Variants in ST8SIA4 observed in about 807,000 individuals in gnomAD.
ST8SIA4 encodes the protein ST8 alpha-N-acetyl-neuraminide alpha-2,8-sialyltransferase 4.
Under a neutral mutation model 33.9 loss-of-function variants are expected in ST8SIA4, and 15 were observed. The observed-to-expected ratio is 0.44, with a 90% CI of 0.30 to 0.68. The LOEUF is 0.68. Ranked by LOEUF, ST8SIA4 falls within the 30% of genes least tolerant of loss-of-function variation. The probability of loss-of-function intolerance (pLI) is 0.10; values close to 1 mark genes in which losing one functional copy is unlikely to be tolerated. For synonymous variants in ST8SIA4, 171 were observed against 151.2 expected, an observed-to-expected ratio of 1.13 and a Z score of -0.96; for missense variants, 321 against 428.0, an observed-to-expected ratio of 0.75 and a Z score of 2.21.
chr5:100,824,520 G>A (rs1413183765), intron 4 of ST8SIA4, among the ~76,000 whole-genome samples: 1 of 151,930 alleles, frequency 6.6e-6, no homozygotes, highest in Non-Finnish European at 1.5e-5. Flanking sequence ...GGGATATCCA[G>A]AGGATCCTAC....
intron 3 of ST8SIA4, among the ~76,000 whole-genome samples, chr5:100,869,092 T>C (rs1752141344): frequency 6.6e-6 from 1 of 152,142 alleles, no homozygotes; most frequent in African/African-American, 2.4e-5. Context: ...TAGAGTGTGA[T>C]CACCTCAAAA....
At chr5:100,816,030 G>A (rs1408647495) in intron 4 of ST8SIA4, among the ~76,000 whole-genome samples, 5 of 152,134 alleles carry the variant, frequency 3.3e-5, no homozygotes, top group African/African-American at 1.2e-4. Flanking sequence ...TGGTAACGTC[G>A]TTTAACCTCA....
intron 2 of ST8SIA4, among the ~76,000 whole-genome samples, chr5:100,889,925 A>C (rs1752623991): frequency 6.6e-6 from 1 of 151,930 alleles, no homozygotes; most frequent in South Asian, 2.1e-4. Context: ...AAAATATAAA[A>C]ACACAAAAAA....
intron 3 of ST8SIA4, among the ~76,000 whole-genome samples, chr5:100,862,180 T>A (rs1328863250): frequency 6.6e-6 from 1 of 152,140 alleles, no homozygotes; most frequent in Non-Finnish European, 1.5e-5. Context: ...ATATTTTAAA[T>A]ATTAGATGAA....
chr5:100,863,274 A>G (rs1035182387), intron 3 of ST8SIA4, among the ~76,000 whole-genome samples: 2 of 152,206 alleles, frequency 1.3e-5, no homozygotes, highest in South Asian at 2.1e-4. Flanking sequence ...GAAGTGTGGG[A>G]AAAAGTTAGG....
At chr5:100,873,402 C>T (rs1752239544) in intron 3 of ST8SIA4, among the ~76,000 whole-genome samples, 1 of 151,480 alleles carries the variant, frequency 6.6e-6, no homozygotes, top group Non-Finnish European at 1.5e-5. Context: ...ACTAATTAGC[C>T]AAAAGTGACA....
chr5:100,868,921 T>A (rs1422464529), intron 3 of ST8SIA4, among the ~76,000 whole-genome samples: 2 of 152,164 alleles, frequency 1.3e-5, no homozygotes, highest in Admixed American at 1.3e-4. Flanking sequence ...CATATTTTGT[T>A]ACTTGTATAG....
At chr5:100,893,086 T>C (rs570645609) in intron 2 of ST8SIA4, among the ~76,000 whole-genome samples, 61 of 152,074 alleles carry the variant, frequency 4.0e-4, no homozygotes, top group Non-Finnish European at 7.9e-4. Context: ...ACCCAATCAC[T>C]GACCCAAAGT....
rs544391806 is a variant in ST8SIA4 at position 100,839,353 on chromosome 5, C to T, written c.797+16750G>A. ...TTTGCCAGAAAAGATCTTGATTTTG[C>T]TCTGCAGATGTCAGCTGAAAGCCTG... On this transcript the variant is annotated intron_variant, in intron 4 of 4. Coordinates refer to ENST00000231461, the MANE Select transcript of ST8SIA4 (RefSeq NM_005668.6). Among the ~76,000 whole-genome samples, 20 of 152,016 alleles carry T rather than the reference C, an allele frequency of 1.3e-4. No individual in the cohort carries two copies. In the South Asian group the frequency reaches 3.3e-3, roughly 25 times the overall value.
chr5:100,902,306 T>C (rs528815022), intron 1 of ST8SIA4, among the ~76,000 whole-genome samples: 1 of 152,012 alleles, frequency 6.6e-6, no homozygotes, highest in African/African-American at 2.4e-5. Flanking sequence ...TAAGGAAGTA[T>C]CCTTAGTGGT....
intron 4 of ST8SIA4, among the ~76,000 whole-genome samples, chr5:100,819,321 TA>T (rs1475974487): frequency 5.9e-5 from 9 of 152,318 alleles, no homozygotes; most frequent in Non-Finnish European, 8.8e-5. Context: ...AAGTGGTTCC[TA>T]AAAGCATTCC....
chr5:100,826,217 C>T (rs1188985370), intron 4 of ST8SIA4, among the ~76,000 whole-genome samples: 2 of 152,016 alleles, frequency 1.3e-5, no homozygotes, highest in African/African-American at 4.8e-5. Context: ...TATTTCTTGC[C>T]ACACACCCTG....
intron 4 of ST8SIA4, among the ~76,000 whole-genome samples, chr5:100,821,647 A>C (rs937111504): frequency 1.0e-5 from 1 of 98,574 alleles, no homozygotes; most frequent in Non-Finnish European, 2.4e-5. Context: ...ATTCCATTGA[A>C]TAATGTAACA....
At chr5:100,815,689 A>C (rs1389678184) in intron 4 of ST8SIA4, among the ~76,000 whole-genome samples, 2 of 152,082 alleles carry the variant, frequency 1.3e-5, no homozygotes, top group African/African-American at 4.8e-5. Flanking sequence ...TACTTCAAAC[A>C]AACTGAAAAT....
chr5:100,826,943 G>A (rs1322082504), intron 4 of ST8SIA4, among the ~76,000 whole-genome samples: 3 of 104,254 alleles, frequency 2.9e-5, no homozygotes, highest in African/African-American at 9.1e-5. Context: ...TTTCTATTCA[G>A]ATATATGTGT....
chr5:100,869,797 A>G (rs978185176), intron 3 of ST8SIA4, among the ~76,000 whole-genome samples: 10 of 152,104 alleles, frequency 6.6e-5, no homozygotes, highest in Admixed American at 5.2e-4. Flanking sequence ...TTCCCCTTGA[A>G]TGTTCTTTAT....
intron 4 of ST8SIA4, chr5:100,849,529 C>G (rs941498370): frequency 1.7e-5 from 15 of 898,848 alleles, no homozygotes; most frequent in Admixed American, 6.2e-5. Flanking sequence ...CGCCTGTAAT[C>G]CCCGCACTTT....
chr5:100,888,017 T>C (rs1752578513), intron 2 of ST8SIA4, among the ~76,000 whole-genome samples: 1 of 151,690 alleles, frequency 6.6e-6, no homozygotes, highest in Non-Finnish European at 1.5e-5. Flanking sequence ...CCCATATAAG[T>C]CCATAGATTA....
rs34354091 is a variant in ST8SIA4 at position 100,824,896 on chromosome 5, CAA to C, written c.798-12769_798-12768del. 9.8e-3 allele frequency among the ~76,000 whole-genome samples: 1,130 copies of C among 115,188 alleles called. 8 individuals carry two copies. Among genetic ancestry groups the C allele is most frequent in the Non-Finnish European group, 0.015 (808 of 54,362 alleles). 75.6% of individuals were successfully genotyped at this position (115,188 alleles called of 152,430 possible). A position where few individuals can be genotyped will look rare whatever the true frequency, so the allele number is the denominator to read the frequency against. ...GCAACATAGCAAGACCCTGTCTTGA[CAA>C]AAAAAAAAAAAAAATAGCCAGCAGT... On this transcript the variant is annotated intron_variant, in intron 4 of 4. Transcript: ENST00000231461.
Sources: gnomAD v4.1 joint callset for allele counts (sites outside exome capture counted in the v4.1 genomes callset) on GRCh38, gnomAD v4.1.1 for gene constraint, MANE v1.5 for transcripts, NCBI Gene and HGNC (gene_info 2026-07-23, HGNC 2026-07-21) for gene names.